COL8A2: variants seen among roughly 807,000 people sequenced by gnomAD.
COL8A2 encodes collagen type VIII alpha 2 chain.
Under a neutral mutation model 24.0 loss-of-function variants are expected in COL8A2, and 16 were observed. That is an observed-to-expected ratio of 0.67 (90% CI 0.45 to 1.01). The LOEUF (loss-of-function observed/expected upper bound fraction) is 1.01, where lower values mean the gene tolerates loss of function less well. Among genes scored for constraint, COL8A2 ranks in the 50% least tolerant of loss-of-function variants. The probability of loss-of-function intolerance (pLI) is 0.00; values close to 1 mark genes in which losing one functional copy is unlikely to be tolerated. For synonymous variants in COL8A2, 466 were observed against 424.5 expected, an observed-to-expected ratio of 1.10 and a Z score of -1.20; for missense variants, 818 against 942.4, an observed-to-expected ratio of 0.87 and a Z score of 1.73.
At chr1:36,108,758 T>C (rs1299902001) in intron 2 of COL8A2, among the ~76,000 whole-genome samples, 1 of 151,824 alleles carries the variant, frequency 6.6e-6, no homozygotes, top group East Asian at 1.9e-4. Context: ...GCAGAAATAA[T>C]TGGCAAGAAG....
rs374747731 is a variant in COL8A2 at position 36,105,523 on chromosome 1, A to C, written c.-16-5265T>G. ...TCACCTTGCTCTGATTGATGGCAGA[A>C]CCCATCAAGGCCACGTTACGCAGGC... is the stretch of plus-strand genomic sequence containing the variant. On this transcript the variant is annotated intron_variant, in intron 2 of 3. Coordinates refer to ENST00000397799, the MANE Select transcript of COL8A2 (RefSeq NM_005202.4). Among the ~76,000 whole-genome samples, 7 of 152,264 alleles carry C rather than the reference A, an allele frequency of 4.6e-5. No homozygotes were observed. The South Asian group carries it at 1.2e-3, about 27-fold the overall frequency.
At chr1:36,109,099 C>T (rs1245807447) in intron 2 of COL8A2, among the ~76,000 whole-genome samples, 2 of 152,210 alleles carry the variant, frequency 1.3e-5, no homozygotes, top group African/African-American at 2.4e-5. Flanking sequence ...CTCCAAGCCC[C>T]CCACCCACCC....
At chr1:36,121,810 C>A (rs1470031683) in intron 1 of COL8A2, among the ~76,000 whole-genome samples, 6 of 152,168 alleles carry the variant, frequency 3.9e-5, no homozygotes, top group Non-Finnish European at 8.8e-5. Flanking sequence ...AGGAAGGGCA[C>A]CTGGGCCTGG....
rs1435576758 is a variant in COL8A2, at chr1:36,097,225, G to A, written c.*344C>T. The A allele has an allele frequency of 8.1e-6, 2 of 245,940 alleles. No individual in the cohort carries two copies. The highest frequency in any genetic ancestry group is 8.9e-5 in the East Asian group (1 of 11,186). 15.2% of individuals were successfully genotyped at this position (245,940 alleles called of 1,614,324 possible). A position where few individuals can be genotyped will look rare whatever the true frequency, so the allele number is the denominator to read the frequency against. ...GGTGCCATCAGGGAGCCAGTGGGAA[G>A]GGCTGTCTCCCCACGTGGCGGGGTG... On this transcript the variant is annotated 3_prime_UTR_variant, in exon 4 of 4. Coordinates refer to ENST00000397799, the MANE Select transcript of COL8A2 (RefSeq NM_005202.4).
rs567960879 is a variant in COL8A2, at chr1:36,098,219, G to C, written c.1462C>G (p.Leu488Val). The C allele has an allele frequency of 8.4e-6, 13 of 1,540,714 alleles. No homozygotes were observed. The highest frequency in any genetic ancestry group is 1.0e-5 in the Non-Finnish European group (12 of 1,144,070). ...GLPGLKGEPG[L>V]PGPPGEGRAG... The stretch of plus-strand genomic sequence containing the variant: ...CTCCCCTCTCCAGGGGGCCCTGGCA[G>C]GCCTGGTTCCCCCTTCAGGCCCGGC... Residue 488 changes from leucine to valine, a missense_variant, in exon 4 of 4, where the codon CTG (leucine) becomes GTG (valine). Physicochemically the swap from Leu to Val is conservative, Grantham distance 32. Around this residue, in one of 3 missense-constraint regions of COL8A2, gnomAD observed 235 missense variants for 297.3 expected, o/e 0.79. Coordinates refer to ENST00000397799, the MANE Select transcript of COL8A2 (RefSeq NM_005202.4).
chr1:36,107,426 G>A (rs1419843336), intron 2 of COL8A2, among the ~76,000 whole-genome samples: 1 of 151,766 alleles, frequency 6.6e-6, no homozygotes, highest in Non-Finnish European at 1.5e-5. Context: ...AGAACCCCGA[G>A]CTCCTAACCA....
chr1:36,107,102 C>T (rs1006362297), intron 2 of COL8A2, among the ~76,000 whole-genome samples: 4 of 152,196 alleles, frequency 2.6e-5, no homozygotes, highest in Non-Finnish European at 5.9e-5. Context: ...TCCAGAGAGG[C>T]CCGTTAAGAA....
chr1:36,107,353 G>A (rs116651804), intron 2 of COL8A2, among the ~76,000 whole-genome samples: 6,974 of 151,764 alleles, frequency 0.046, 514 homozygotes, highest in African/African-American at 0.16. Context: ...GCAGTGAGCC[G>A]TGATTGCACC....
chr1:36,100,181 CCCAGCA>C lies in COL8A2; in HGVS notation c.56_61del (p.Val19_Leu20del). ...ACCAGAGGACGCCCGCGGCCCACAC[CCCAGCA>C]CCAGCACCAGTAGCAGCAGCAGCAG... On this transcript the variant is annotated inframe_deletion, in exon 3 of 4. Coordinates refer to ENST00000397799, the MANE Select transcript of COL8A2 (RefSeq NM_005202.4). The C allele has an allele frequency of 6.2e-7, 1 of 1,608,348 alleles. No individual in the cohort carries two copies. The highest frequency in any genetic ancestry group is 8.5e-7 in the Non-Finnish European group (1 of 1,177,856).
chr1:36,106,245 CAG>C (rs1024358130), intron 2 of COL8A2, among the ~76,000 whole-genome samples: 2 of 149,914 alleles, frequency 1.3e-5, no homozygotes, highest in Admixed American at 6.7e-5. Context: ...GCTTGGGCGA[CAG>C]AGAGAGACTC....
At chr1:36,109,876 G>T (rs754993528) in intron 2 of COL8A2, among the ~76,000 whole-genome samples, 1 of 150,748 alleles carries the variant, frequency 6.6e-6, no homozygotes, top group Non-Finnish European at 1.5e-5. Context: ...GATTACAGGT[G>T]TAAGCCACTG....
At chr1:36,106,929 C>CATGAGTGAGGAGGGT (rs534114082) in intron 2 of COL8A2, among the ~76,000 whole-genome samples, 1 of 152,142 alleles carries the variant, frequency 6.6e-6, no homozygotes, top group African/African-American at 2.4e-5. Flanking sequence ...GAGGTGTCGC[C>CATGAGTGAGGAGGGT]ATGAGTGAGG....
intron 2 of COL8A2, among the ~76,000 whole-genome samples, chr1:36,110,264 A>AT (rs1279678575): frequency 1.1e-5 from 1 of 90,396 alleles, no homozygotes; most frequent in South Asian, 3.7e-4. Flanking sequence ...GCTTGCTCTC[A>AT]TTTAAAAAAA....
chr1:36,105,929 G>A (rs1260733447), intron 2 of COL8A2, among the ~76,000 whole-genome samples: 2 of 140,034 alleles, frequency 1.4e-5, no homozygotes, highest in African/African-American at 5.4e-5. Context: ...AGCCTAAGCA[G>A]CAGCAAGATC....
chr1:36,102,382 C>T (rs1364440970), intron 2 of COL8A2, among the ~76,000 whole-genome samples: 1 of 152,122 alleles, frequency 6.6e-6, no homozygotes, highest in Non-Finnish European at 1.5e-5. Flanking sequence ...ATGGGCACAG[C>T]CTCGGCCTCC....
In COL8A2 at chr1:36,098,712, G is replaced by C. The variant is rs781583202; in HGVS notation, c.969C>G (p.Pro323=). 5.6e-6 allele frequency: 9 copies of C among 1,610,026 alleles called. No individual in the cohort carries two copies. The Admixed American group carries it at 1.5e-4, about 27-fold the overall frequency. ...TGYGMPGLPG[P]KGDRGPAGVP... ...CCCCAGCTGGGCCCCTGTCCCCCTTGGGGCCTGGCAGTCCTGGCATCCCAT... is the reference window on the plus strand; with the variant it reads ...CCCCAGCTGGGCCCCTGTCCCCCTTCGGGCCTGGCAGTCCTGGCATCCCAT... Residue 323 remains proline, a synonymous_variant, in exon 4 of 4, where the codon CCC becomes CCG. Coordinates refer to ENST00000397799, the MANE Select transcript of COL8A2 (RefSeq NM_005202.4).
intron 1 of COL8A2, among the ~76,000 whole-genome samples, chr1:36,122,121 G>A (rs1168113065): frequency 6.6e-6 from 1 of 152,158 alleles, no homozygotes; most frequent in African/African-American, 2.4e-5. Context: ...CCAGAGAGGC[G>A]GAATGGACAC....
rs1330575334 is a variant in COL8A2, at chr1:36,098,007, C to G, written c.1674G>C (p.Lys558Asn). Reference protein sequence around the residue: ...NGGVEGAVLGKGGKPQFGLGE... With the variant: ...NGGVEGAVLGNGGKPQFGLGE... ...CCAGCCCAAACTGTGGCTTGCCCCCCTTGCCCAGCACGGCACCCTCCACAC... is the reference window on the plus strand; with the variant it reads ...CCAGCCCAAACTGTGGCTTGCCCCCGTTGCCCAGCACGGCACCCTCCACAC... The change falls in exon 4 of 4, where the codon AAG (lysine) becomes AAC (asparagine). Residue 558 changes from lysine (K) to asparagine (N), a missense_variant. Physicochemically the swap from Lys to Asn is moderately conservative, Grantham distance 94 (BLOSUM62 0). Coordinates refer to ENST00000397799, the MANE Select transcript of COL8A2 (RefSeq NM_005202.4). The G allele has an allele frequency of 6.3e-7, 1 of 1,599,358 alleles. No individual in the cohort carries two copies. The highest frequency in any genetic ancestry group is 8.5e-7 in the Non-Finnish European group (1 of 1,177,042).
chr1:36,099,449 C>T lies in COL8A2; in HGVS notation c.232G>A (p.Glu78Lys), dbSNP rs1643640844. 1 of 1,544,462 alleles carries T rather than the reference C, an allele frequency of 6.5e-7. No individual in the cohort carries two copies. Among genetic ancestry groups the T allele is most frequent in the Non-Finnish European group, 8.7e-7 (1 of 1,150,382 alleles). ...LPLLPMDLKG[E>K]PGPPGKPGPR... ...CCGGGCTTCCCAGGGGGGCCGGGCT[C>T]TCCCTTCAGGTCCATCGGCAGCAGC... Residue 78 changes from glutamate to lysine, a missense_variant, in exon 4 of 4, where the codon GAG becomes AAG. By Grantham distance (56) the Glu-to-Lys change is moderately conservative (BLOSUM62 1). This residue lies in a region of COL8A2 where 573 missense variants were observed against 616.8 expected (regional missense o/e 0.93). Coordinates refer to ENST00000397799, the MANE Select transcript of COL8A2 (RefSeq NM_005202.4).
Sources: gnomAD v4.1 joint callset for allele counts (sites outside exome capture counted in the v4.1 genomes callset) on GRCh38, gnomAD v4.1.1 for gene constraint, gnomAD v4.1.1 regional missense constraint, MANE v1.5 for transcripts, NCBI Gene and HGNC (gene_info 2026-07-23, HGNC 2026-07-21) for gene names.